SDK2: variants seen among roughly 807,000 people sequenced by gnomAD.
SDK2 encodes the protein protein sidekick-2.
A neutral mutation model predicts 253.9 loss-of-function variants in SDK2; 105 were observed. The observed-to-expected ratio is 0.41, with a 90% CI of 0.35 to 0.49. The LOEUF (loss-of-function observed/expected upper bound fraction) is 0.49. SDK2 is among the 20% of genes least tolerant of loss of function. The pLI, the probability that SDK2 is intolerant of heterozygous loss-of-function variation, is 0.06. For missense variants in SDK2, 2,608 were observed against 3,003.0 expected (o/e 0.87, Z 3.07); for synonymous variants, 1,249 against 1,234.9 (o/e 1.01, Z -0.24).
At chr17:73,600,381 T>C (rs926392810) in intron 1 of SDK2, among the ~76,000 whole-genome samples, 2 of 152,166 alleles carry the variant, frequency 1.3e-5, no homozygotes, top group African/African-American at 4.8e-5. Flanking sequence ...AGTAATTTGT[T>C]CATTAAAAAC....
intron 4 of SDK2, among the ~76,000 whole-genome samples, chr17:73,454,038 T>C (rs1174486404): frequency 6.6e-6 from 1 of 152,272 alleles, no homozygotes; most frequent in East Asian, 1.9e-4. Flanking sequence ...ATACTTACCA[T>C]TGTGTTACAA....
chr17:73,600,091 C>A (rs2045816018), intron 1 of SDK2, among the ~76,000 whole-genome samples: 1 of 152,248 alleles, frequency 6.6e-6, no homozygotes, highest in Non-Finnish European at 1.5e-5. Flanking sequence ...CCCTGACTTT[C>A]CTGGGGAAAG....
At position 73,358,064 on chromosome 17, in the gene SDK2, C is replaced by A; in HGVS notation, c.5593+15G>T. The stretch of plus-strand genomic sequence containing the variant: ...AATGAGCTGTGGGGTCTCAGCCCAG[C>A]AGGGCGGGGCGCACCTGAAGGTCTG... On this transcript the variant is annotated intron_variant, in intron 40 of 44. Transcript: ENST00000392650. 1 of 1,612,770 alleles carries A rather than the reference C, an allele frequency of 6.2e-7. No individual in the cohort carries two copies. The highest frequency in any genetic ancestry group is 8.5e-7 in the Non-Finnish European group (1 of 1,179,724).
chr17:73,369,839 T>G (rs1462155091), intron 36 of SDK2, among the ~76,000 whole-genome samples: 2 of 152,174 alleles, frequency 1.3e-5, no homozygotes, highest in Non-Finnish European at 2.9e-5. Flanking sequence ...AGAGACGGGA[T>G]TTCACCGTGT....
intron 3 of SDK2, among the ~76,000 whole-genome samples, chr17:73,461,897 G>T (rs2063564693): frequency 6.6e-6 from 1 of 151,706 alleles, no homozygotes; most frequent in South Asian, 2.1e-4. Context: ...AGCTATGTTT[G>T]TATGCATGTA....
In SDK2 at chr17:73,386,539, G is replaced by A. The variant is rs1424037277; in HGVS notation, c.4404C>T (p.Pro1468=). 2 of 1,554,970 alleles carry A rather than the reference G, an allele frequency of 1.3e-6. No homozygotes were observed. The highest frequency in any genetic ancestry group is 3.9e-5 in the Admixed American group (2 of 51,504). Reference sequence around the variant, plus strand: ...TCACTCGGAACTTGTAGGACGTGAAGGGCTTCAGCCTGTAGGGAGAAATCA... The same window carrying A: ...TCACTCGGAACTTGTAGGACGTGAAAGGCTTCAGCCTGTAGGGAGAAATCA... The part of the protein sequence containing the change: ...ASSFIVDRLK[P]FTSYKFRVKA... The change falls in exon 31 of 45, where the codon CCC becomes CCT. Residue 1468 remains proline, a synonymous_variant. Transcript: ENST00000392650.
chr17:73,394,357 C>T, intron 25 of SDK2, 33 bp from the exon 26 acceptor site: 1 of 1,438,392 alleles, frequency 7.0e-7, no homozygotes, highest in Non-Finnish European at 9.4e-7. Flanking sequence ...AGAAGGCACT[C>T]AGGACCCAAC....
chr17:73,431,125 T>TA lies in SDK2; in HGVS notation c.1480+376dup, dbSNP rs2063322652. Among the ~76,000 whole-genome samples, 1 of 152,206 alleles carries TA rather than the reference T, an allele frequency of 6.6e-6. No individual in the cohort carries two copies. Among genetic ancestry groups the TA allele is most frequent in the Non-Finnish European group, 1.5e-5 (1 of 68,028 alleles). On this transcript the variant is annotated intron_variant, in intron 11 of 44. Coordinates refer to ENST00000392650, the MANE Select transcript of SDK2 (RefSeq NM_001144952.2). This position sits in a 1 kb window ranked among gnomAD's most constrained non-coding sequence, Gnocchi z 5.6. ...ATACCGTCTGTGGCTGCTTTCTAGA[T>TA]AAAACGGAAGCTAGTTGAGTCGTTG...
At position 73,443,769 on chromosome 17, in the gene SDK2, C is replaced by G. The variant is rs775756754; in HGVS notation, c.614-2846G>C. On this transcript the variant is annotated intron_variant, in intron 5 of 44. Coordinates refer to ENST00000392650, the MANE Select transcript of SDK2 (RefSeq NM_001144952.2). This position sits in a 1 kb window ranked among gnomAD's most constrained non-coding sequence, Gnocchi z 4.6. ...GCTCTGCCCCCAGGTATCCTGGTGA[C>G]TTCATCCTACTGAGTTTCAGTCTTC... is the stretch of plus-strand genomic sequence containing the variant. Among the ~76,000 whole-genome samples the G allele has an allele frequency of 1.3e-5, 2 of 152,186 alleles. No individual in the cohort carries two copies. The highest frequency in any genetic ancestry group is 2.9e-5 in the Non-Finnish European group (2 of 68,034).
At chr17:73,527,008 C>A (rs908750228) in intron 1 of SDK2, among the ~76,000 whole-genome samples, 1 of 152,224 alleles carries the variant, frequency 6.6e-6, no homozygotes, top group Non-Finnish European at 1.5e-5. Flanking sequence ...CACAAGCTGG[C>A]CTGAGAGATA....
Position 73,639,168 on chromosome 17 carries a change from C to T in SDK2, c.64+4857G>A, listed in dbSNP as rs1339539164. On this transcript the variant is annotated intron_variant, in intron 1 of 44. Coordinates refer to ENST00000392650, the MANE Select transcript of SDK2 (RefSeq NM_001144952.2). The surrounding 1 kb of genome is among the most constrained non-coding windows in gnomAD (Gnocchi z 4.3). ...TACAGATGAGAAAACTGGCTCAGCT[C>T]AGCATCGCCCAGTGATGGAGGCAGG... 2.0e-5 allele frequency among the ~76,000 whole-genome samples: 3 copies of T among 152,174 alleles called. No individual in the cohort carries two copies. The highest frequency in any genetic ancestry group is 2.1e-4 in the South Asian group (1 of 4,824).
intron 1 of SDK2, among the ~76,000 whole-genome samples, chr17:73,542,473 G>A (rs551735295): frequency 2.4e-4 from 37 of 152,350 alleles, no homozygotes; most frequent in African/African-American, 8.2e-4. Flanking sequence ...TGCCACAAGC[G>A]AACTCCAGCC....
chr17:73,348,634 G>A lies in SDK2; in HGVS notation c.6130C>T (p.Leu2044=). The change falls in exon 44 of 45, where the codon CTG becomes TTG. Residue 2044 remains leucine (L), a synonymous_variant. Coordinates refer to ENST00000392650, the MANE Select transcript of SDK2 (RefSeq NM_001144952.2). ...GAGATTTCTGAGGGCTTCTCCGTCAGGCTGCTGCTCTCTGCAGGGATGAGG... is the reference window on the plus strand; with the variant it reads ...GAGATTTCTGAGGGCTTCTCCGTCAAGCTGCTGCTCTCTGCAGGGATGAGG... The part of the protein sequence containing the change: ...NDLIPAESSS[L]TEKPSEISDS... 6.2e-7 allele frequency: 1 copy of A among 1,613,172 alleles called. No homozygotes were observed. Among genetic ancestry groups the A allele is most frequent in the Non-Finnish European group, 8.5e-7 (1 of 1,179,814 alleles).
chr17:73,607,684 G>T (rs1017755233), intron 1 of SDK2, among the ~76,000 whole-genome samples: 1 of 152,138 alleles, frequency 6.6e-6, no homozygotes, highest in Admixed American at 6.5e-5. Flanking sequence ...TCCAGAAGGG[G>T]TTGCAGGGCA....
Position 73,402,157 on chromosome 17 carries a change from C to G in SDK2, c.2485-16G>C, listed in dbSNP as rs368098675. On this transcript the variant is annotated splice_polypyrimidine_tract_variant and intron_variant, in intron 18 of 44. Coordinates refer to ENST00000392650, the MANE Select transcript of SDK2 (RefSeq NM_001144952.2). Reference sequence around the variant, plus strand: ...AGGCGATCAGCTGCGGAGAGGCGAGCAAGTCACACAGGGCAGCAGGAAGGT... The same window carrying G: ...AGGCGATCAGCTGCGGAGAGGCGAGGAAGTCACACAGGGCAGCAGGAAGGT... 7.5e-6 allele frequency: 12 copies of G among 1,608,936 alleles called. No homozygotes were observed. The African/African-American group carries it at 1.5e-4, about 20-fold the overall frequency.
Position 73,379,998 on chromosome 17 carries a change from T to C in SDK2, c.4763-449A>G, listed in dbSNP as rs562127924. Among the ~76,000 whole-genome samples the C allele has an allele frequency of 8.6e-5, 13 of 152,000 alleles. No individual in the cohort carries two copies. The South Asian group carries it at 1.5e-3, about 17-fold the overall frequency. ...CTCAGCTCCAGGGGGGAGGGGCGCATTGGATGTGAATTCTGGACTAAGAAA... is the reference window on the plus strand; with the variant it reads ...CTCAGCTCCAGGGGGGAGGGGCGCACTGGATGTGAATTCTGGACTAAGAAA... On this transcript the variant is annotated intron_variant, in intron 34 of 44. Transcript: ENST00000392650. This position sits in a 1 kb window ranked among gnomAD's most constrained non-coding sequence, Gnocchi z 4.5.
intron 1 of SDK2, chr17:73,513,673 A>G (rs1202900239): frequency 6.6e-6 from 1 of 152,198 alleles, no homozygotes; most frequent in African/African-American, 2.4e-5. Flanking sequence ...ATAACAGCAA[A>G]AGCTTGGAAA....
At position 73,361,266 on chromosome 17, in the gene SDK2, G is replaced by C. The variant is rs904619042; in HGVS notation, c.5467+418C>G. Among the ~76,000 whole-genome samples, 1 of 152,224 alleles carries C rather than the reference G, an allele frequency of 6.6e-6. No individual in the cohort carries two copies. The highest frequency in any genetic ancestry group is 1.5e-5 in the Non-Finnish European group (1 of 68,044). On this transcript the variant is annotated intron_variant, in intron 39 of 44. Transcript: ENST00000392650. The surrounding 1 kb of genome is among the most constrained non-coding windows in gnomAD (Gnocchi z 4.1). ...CGCCCTGCTCTGAGAACCGCTGCCT[G>C]GAGGGTAGGGGTGGTTCAGGGGCGT... is the stretch of plus-strand genomic sequence containing the variant.
At position 73,511,602 on chromosome 17, in the gene SDK2, G is replaced by A. The variant is rs1010102743; in HGVS notation, c.65-4005C>T. ...CTGCTGGGTACCAGGCCCTGGGCTG[G>A]GGGCTCCACATCCCTCGCCTCCTGT... On this transcript the variant is annotated intron_variant, in intron 1 of 44. Transcript: ENST00000392650. The surrounding 1 kb of genome is among the most constrained non-coding windows in gnomAD (Gnocchi z 4.9). Among the ~76,000 whole-genome samples, 14 of 152,112 alleles carry A rather than the reference G, an allele frequency of 9.2e-5. No homozygotes were observed. Among genetic ancestry groups the A allele is most frequent in the African/African-American group, 3.1e-4 (13 of 41,428 alleles).
Sources: gnomAD v4.1 joint callset for allele counts (sites outside exome capture counted in the v4.1 genomes callset) on GRCh38, gnomAD v4.1.1 for gene constraint, Gnocchi (gnomAD v3.1) non-coding constraint, MANE v1.5 for transcripts, NCBI Gene and HGNC (gene_info 2026-07-23, HGNC 2026-07-21) for gene names.